Variants in PRKN observed in about 807,000 individuals in gnomAD.
PRKN encodes E3 ubiquitin-protein ligase parkin.
PRKN carries 56 observed loss-of-function variants against 59.5 expected under a neutral mutation model. The observed-to-expected ratio is 0.94, with a 90% CI of 0.76 to 1.18. The LOEUF is 1.18. Ranked by LOEUF, PRKN falls within the 50% of genes most tolerant of loss-of-function variation. The pLI, the probability that PRKN is intolerant of heterozygous loss-of-function variation, is 0.00. For missense variants in PRKN, 657 were observed against 596.4 expected, an observed-to-expected ratio of 1.10 and a Z score of -1.06; for synonymous variants, 250 against 222.1, an observed-to-expected ratio of 1.13 and a Z score of -1.12.
At chr6:162,667,736 C>G (rs996808410) in intron 1 of PRKN, among the ~76,000 whole-genome samples, 4 of 152,088 alleles carry the variant, frequency 2.6e-5, no homozygotes, top group Admixed American at 2.6e-4. Flanking sequence ...GCTTGAATAT[C>G]TGGATTGGAA....
At chr6:162,390,356 T>C (rs1000534545) in intron 2 of PRKN, among the ~76,000 whole-genome samples, 6 of 145,458 alleles carry the variant, frequency 4.1e-5, no homozygotes, top group African/African-American at 1.5e-4. Context: ...GAATGCCACA[T>C]GGTGATTATA....
intron 1 of PRKN, among the ~76,000 whole-genome samples, chr6:162,493,917 G>A (rs1274625046): frequency 6.6e-6 from 1 of 152,312 alleles, no homozygotes; most frequent in South Asian, 2.1e-4. Flanking sequence ...CCATTTGTGA[G>A]ATGAGGGAGA....
chr6:162,071,284 T>C (rs6900778), intron 4 of PRKN, among the ~76,000 whole-genome samples: 43,611 of 150,214 alleles, frequency 0.29, 6,886 homozygotes, highest in East Asian at 0.62. Context: ...CTTAGCCTCA[T>C]CTCTTGTCAC....
intron 10 of PRKN, among the ~76,000 whole-genome samples, chr6:161,365,333 A>T (rs552497315): frequency 6.6e-6 from 1 of 152,322 alleles, no homozygotes; most frequent in East Asian, 1.9e-4. Context: ...CCTTGTCTGC[A>T]AGAGGAGCAC....
rs530195787 is a variant in PRKN, at chr6:161,576,966, C to T, written c.872-7550G>A. 6.6e-6 allele frequency among the ~76,000 whole-genome samples: 1 copy of T among 152,286 alleles called. No individual in the cohort carries two copies. The highest frequency in any genetic ancestry group is 6.5e-5 in the Admixed American group (1 of 15,280). On this transcript the variant is annotated intron_variant, in intron 7 of 11. Coordinates refer to ENST00000366898, the MANE Select transcript of PRKN (RefSeq NM_004562.3). This position sits in a 1 kb window ranked among gnomAD's most constrained non-coding sequence, Gnocchi z 4.6. ...GAGAATCTATTAAACAATGTCGATGCACGCAAATATACTAAGAATATAAAA... is the reference window on the plus strand; with the variant it reads ...GAGAATCTATTAAACAATGTCGATGTACGCAAATATACTAAGAATATAAAA...
intron 7 of PRKN, among the ~76,000 whole-genome samples, chr6:161,570,146 A>AATATATATATATATAT (rs1554277877): frequency 1.3e-5 from 1 of 76,612 alleles, no homozygotes; most frequent in African/African-American, 6.8e-5. Context: ...AAAAAAAAAA[A>AATATATATATATATAT]ATATATATAT....
chr6:162,215,208 G>C (rs1428911608), intron 3 of PRKN, among the ~76,000 whole-genome samples: 1 of 152,062 alleles, frequency 6.6e-6, no homozygotes, highest in Non-Finnish European at 1.5e-5. Flanking sequence ...CTCCTACCAG[G>C]CTTTAGATTC....
At chr6:162,381,659 T>TC (rs200721848) in intron 2 of PRKN, among the ~76,000 whole-genome samples, 1,940 of 152,144 alleles carry the variant, frequency 0.013, 25 homozygotes, top group African/African-American at 0.028. Context: ...GCTATACCTG[T>TC]CCCCCCCACT....
intron 1 of PRKN, among the ~76,000 whole-genome samples, chr6:162,610,480 C>G (rs1388729773): frequency 3.3e-5 from 5 of 152,188 alleles, no homozygotes; most frequent in Admixed American, 3.3e-4. Flanking sequence ...CCTCACCAGG[C>G]TCACATATTG....
chr6:161,951,889 G>A (rs1416849430), intron 6 of PRKN, among the ~76,000 whole-genome samples: 1 of 150,122 alleles, frequency 6.7e-6, no homozygotes, highest in African/African-American at 2.5e-5. Context: ...GCCACTGCCA[G>A]CCTGGGCAAC....
chr6:162,115,187 C>G (rs1780612624), intron 4 of PRKN, among the ~76,000 whole-genome samples: 2 of 152,014 alleles, frequency 1.3e-5, no homozygotes, highest in Admixed American at 6.6e-5. Context: ...GAGTTCATGT[C>G]CTTTGTAGGG....
intron 1 of PRKN, among the ~76,000 whole-genome samples, chr6:162,536,092 A>G (rs1778703688): frequency 6.6e-6 from 1 of 152,020 alleles, no homozygotes; most frequent in South Asian, 2.1e-4. Flanking sequence ...ACTGTTCCCA[A>G]AGCTTTCTGC....
chr6:161,733,362 G>T (rs1787802298), intron 7 of PRKN, among the ~76,000 whole-genome samples: 1 of 152,050 alleles, frequency 6.6e-6, no homozygotes, highest in Non-Finnish European at 1.5e-5. Context: ...AATGCCCATG[G>T]TTTATGAACC....
intron 2 of PRKN, among the ~76,000 whole-genome samples, chr6:162,316,539 C>T (rs1436873610): frequency 6.6e-6 from 1 of 152,096 alleles, no homozygotes; most frequent in Non-Finnish European, 1.5e-5. Flanking sequence ...TTCTTTCTTT[C>T]ATGCACACAT....
chr6:162,727,518 G>C, intron 1 of PRKN, 144 bp downstream of exon 1: 1 of 905,290 alleles, frequency 1.1e-6, no homozygotes. Context: ...GGAGCCCGGC[G>C]GCGCGGGCCG....
At chr6:161,594,307 A>T (rs1781835725) in intron 7 of PRKN, among the ~76,000 whole-genome samples, 1 of 152,224 alleles carries the variant, frequency 6.6e-6, no homozygotes, top group Non-Finnish European at 1.5e-5. Flanking sequence ...TTCCTCCCAG[A>T]TCCCCATCCC....
chr6:162,330,039 CTCTACG>C (rs1783502551), intron 2 of PRKN, among the ~76,000 whole-genome samples: 1 of 152,190 alleles, frequency 6.6e-6, no homozygotes, highest in South Asian at 2.1e-4. Context: ...CAATGAATAG[CTCTACG>C]TCTTAGAAAG....
rs144280604 is a variant in PRKN at position 161,550,239 on chromosome 6, G to C, written c.934-1236C>G. ...ACAAGGAGGGAAAAAAACAGAAGGT[G>C]AAGTTGGAGAGTTTGTGAGGATCTA... On this transcript the variant is annotated intron_variant, in intron 8 of 11. Transcript: ENST00000366898. The surrounding 1 kb of genome is among the most constrained non-coding windows in gnomAD (Gnocchi z 4.0). Among the ~76,000 whole-genome samples the C allele has an allele frequency of 6.7e-3, 1,027 of 152,340 alleles. 17 individuals carry two copies. The highest frequency in any genetic ancestry group is 0.024 in the African/African-American group (982 of 41,578).
intron 6 of PRKN, among the ~76,000 whole-genome samples, chr6:161,943,661 A>G (rs1779648896): frequency 6.7e-6 from 1 of 149,040 alleles, no homozygotes; most frequent in African/African-American, 2.5e-5. Context: ...ATCAGCCTTG[A>G]GGAATCAGGT....
Sources: gnomAD v4.1 joint callset for allele counts (sites outside exome capture counted in the v4.1 genomes callset) on GRCh38, gnomAD v4.1.1 for gene constraint, Gnocchi (gnomAD v3.1) non-coding constraint, MANE v1.5 for transcripts, NCBI Gene and HGNC (gene_info 2026-07-23, HGNC 2026-07-21) for gene names.